Variants in CLDND1 observed in about 807,000 individuals in gnomAD.
The protein encoded by CLDND1 is claudin domain-containing protein 1.
CLDND1 carries 13 observed loss-of-function variants against 26.3 expected under a neutral mutation model. The ratio of observed to expected loss-of-function variants is 0.49; its 90% CI spans 0.32 to 0.78. CLDND1 has a LOEUF of 0.78. CLDND1 is among the 30% of genes least tolerant of loss of function. The pLI is 0.03. For missense variants in CLDND1, 289 were observed against 312.8 expected, an observed-to-expected ratio of 0.92 and a Z score of 0.57; for synonymous variants, 107 against 107.0, an observed-to-expected ratio of 1.00 and a Z score of 0.00.
chr3:98,515,806 T>C lies in CLDND1; in HGVS notation c.*853A>G, dbSNP rs1028945342. 1.2e-5 allele frequency: 15 copies of C among 1,289,646 alleles called. No homozygotes were observed. Among genetic ancestry groups the C allele is most frequent in the Middle Eastern group, 2.1e-4 (1 of 4,718 alleles). The allele number at this position is 1,289,646 out of a possible 1,614,324, so 79.9% of individuals were successfully genotyped here. On this transcript the variant is annotated 3_prime_UTR_variant, in exon 5 of 5. Coordinates refer to ENST00000341181, the MANE Select transcript of CLDND1 (RefSeq NM_001040181.2). Reference sequence around the variant, plus strand: ...GTTTCCCAGCTCTGGAGGGTCATTATGGTGAAACGTTCTTTATAGTACTGG... The same window carrying C: ...GTTTCCCAGCTCTGGAGGGTCATTACGGTGAAACGTTCTTTATAGTACTGG...
intron 1 of CLDND1, 188 bp from the exon 2 acceptor site, chr3:98,521,630 G>A (rs1365501078): frequency 6.9e-6 from 11 of 1,594,994 alleles, no homozygotes; most frequent in Non-Finnish European, 9.5e-6. Flanking sequence ...TCTCATAAAA[G>A]TACTTATTGA....
Position 98,521,250 on chromosome 3 carries a change from C to T in CLDND1, c.175G>A (p.Ala59Thr). The T allele has an allele frequency of 6.2e-7, 1 of 1,614,184 alleles. No individual in the cohort carries two copies. Among genetic ancestry groups the T allele is most frequent in the Non-Finnish European group, 8.5e-7 (1 of 1,180,020 alleles). ...GCATCATTATAAGTCTTTTCATCTG[C>T]CTCATCACTAATGAATTCATCCCAG... Reference protein sequence around the residue: ...SIWDEFISDEADEKTYNDALF... With the variant: ...SIWDEFISDETDEKTYNDALF... The change falls in exon 2 of 5, where the codon GCA becomes ACA. Residue 59 changes from alanine to threonine, a missense_variant. Transcript: ENST00000341181.
At position 98,516,491 on chromosome 3, in the gene CLDND1, A is replaced by G. The variant is rs908833445; in HGVS notation, c.*168T>C. 6.3e-5 allele frequency: 87 copies of G among 1,383,150 alleles called. No individual in the cohort carries two copies. The highest frequency in any genetic ancestry group is 7.9e-5 in the Non-Finnish European group (85 of 1,070,272). The allele number at this position is 1,383,150 out of a possible 1,614,324, so 85.7% of individuals were successfully genotyped here. A position where few individuals can be genotyped will look rare whatever the true frequency, so the allele number is the denominator to read the frequency against. On this transcript the variant is annotated 3_prime_UTR_variant, in exon 5 of 5. Coordinates refer to ENST00000341181, the MANE Select transcript of CLDND1 (RefSeq NM_001040181.2). Reference sequence around the variant, plus strand: ...GCTTAAAGTAAACCACATAAATTTTAGTGGTATTAAGTGTGTATTTAGTGG... The same window carrying G: ...GCTTAAAGTAAACCACATAAATTTTGGTGGTATTAAGTGTGTATTTAGTGG...
At chr3:98,521,736 A>G in intron 1 of CLDND1, 1 of 1,580,830 alleles carries the variant, frequency 6.3e-7, no homozygotes, top group South Asian at 1.1e-5. Context: ...GGACATACAC[A>G]TTACAGATAC....
chr3:98,522,858 T>C lies in CLDND1; in HGVS notation c.-28A>G. On this transcript the variant is annotated 5_prime_UTR_variant, in exon 1 of 5. Transcript: ENST00000341181. Reference sequence around the variant, plus strand: ...GGTCCCGCTCACTCACCGCCCATCCTCCTGCTCCGCCAGCTTCACCCTCTA... The same window carrying C: ...GGTCCCGCTCACTCACCGCCCATCCCCCTGCTCCGCCAGCTTCACCCTCTA... 2.5e-6 allele frequency: 4 copies of C among 1,613,660 alleles called. No homozygotes were observed. Among genetic ancestry groups the C allele is most frequent in the Non-Finnish European group, 3.4e-6 (4 of 1,179,712 alleles).
intron 2 of CLDND1, 39 bp downstream of exon 2, chr3:98,521,094 A>C (rs1194114455): frequency 6.4e-7 from 1 of 1,554,682 alleles, no homozygotes; most frequent in Non-Finnish European, 8.8e-7. Context: ...TCTATTATTA[A>C]CCAGGTGAAG....
rs1706141926 is a variant in CLDND1 at position 98,516,450 on chromosome 3, T to C, written c.*209A>G. On this transcript the variant is annotated 3_prime_UTR_variant, in exon 5 of 5. Coordinates refer to ENST00000341181, the MANE Select transcript of CLDND1 (RefSeq NM_001040181.2). ...TTCTGTCTAGACCTAGATTAGTTTATTTGAAAGATGGCATCGCTTAAAGTA... is the reference window on the plus strand; with the variant it reads ...TTCTGTCTAGACCTAGATTAGTTTACTTGAAAGATGGCATCGCTTAAAGTA... 2 of 1,348,034 alleles carry C rather than the reference T, an allele frequency of 1.5e-6. No homozygotes were observed. The highest frequency in any genetic ancestry group is 1.9e-6 in the Non-Finnish European group (2 of 1,054,408). The allele number at this position is 1,348,034 out of a possible 1,614,324, so 83.5% of individuals were successfully genotyped here. A position where few individuals can be genotyped will look rare whatever the true frequency, so the allele number is the denominator to read the frequency against.
chr3:98,519,780 T>C (rs1706322729), intron 2 of CLDND1, among the ~76,000 whole-genome samples: 1 of 152,204 alleles, frequency 6.6e-6, no homozygotes, highest in Non-Finnish European at 1.5e-5. Flanking sequence ...ATTTCAGGCA[T>C]GCTCCCGCCA....
Position 98,521,259 on chromosome 3 carries a change from T to G in CLDND1, c.166A>C (p.Ser56Arg). The G allele has an allele frequency of 6.2e-7, 1 of 1,614,218 alleles. No homozygotes were observed. The highest frequency in any genetic ancestry group is 2.2e-5 in the East Asian group (1 of 44,884). The change falls in exon 2 of 5, where the codon AGT becomes CGT. Residue 56 changes from serine to arginine, a missense_variant. By Grantham distance (110) the Ser-to-Arg change is moderately radical. Transcript: ENST00000341181. The part of the protein sequence containing the change: ...LNKSIWDEFI[S>R]DEADEKTYND... Reference sequence around the variant, plus strand: ...TAAGTCTTTTCATCTGCCTCATCACTAATGAATTCATCCCAGATGCTTTTA... The same window carrying G: ...TAAGTCTTTTCATCTGCCTCATCACGAATGAATTCATCCCAGATGCTTTTA...
chr3:98,517,283 T>C, intron 3 of CLDND1, 94 bp from the exon 4 acceptor site: 1 of 1,405,436 alleles, frequency 7.1e-7, no homozygotes, highest in Non-Finnish European at 9.6e-7. Flanking sequence ...TTAGATCTTT[T>C]CTCAAAAAGT....
rs1388457599 is a variant in CLDND1 at position 98,518,898 on chromosome 3, A to C, written c.390T>G (p.Asp130Glu). ...VDPGNHNSGI[D>E]LLRTYLWRCQ... ...CAAAGTACTCACAGGTCCTAAGGAGATCAATCCCGCTATTGTGGTTTCCGG... is the reference window on the plus strand; with the variant it reads ...CAAAGTACTCACAGGTCCTAAGGAGCTCAATCCCGCTATTGTGGTTTCCGG... The change falls in exon 3 of 5, where the codon GAT (aspartate) becomes GAG (glutamate). Residue 130 changes from aspartate (D) to glutamate (E), a missense_variant. Coordinates refer to ENST00000341181, the MANE Select transcript of CLDND1 (RefSeq NM_001040181.2). 1 of 1,603,390 alleles carries C rather than the reference A, an allele frequency of 6.2e-7. No homozygotes were observed. The highest frequency in any genetic ancestry group is 1.1e-5 in the South Asian group (1 of 90,800).
chr3:98,521,277 T>C lies in CLDND1; in HGVS notation c.148A>G (p.Ile50Val), dbSNP rs1402585619. 3 of 1,614,232 alleles carry C rather than the reference T, an allele frequency of 1.9e-6. No homozygotes were observed. Among genetic ancestry groups the C allele is most frequent in the East Asian group, 2.2e-5 (1 of 44,886 alleles). Reference sequence around the variant, plus strand: ...TCATCACTAATGAATTCATCCCAGATGCTTTTATTCAAATCACTGGAATTT... The same window carrying C: ...TCATCACTAATGAATTCATCCCAGACGCTTTTATTCAAATCACTGGAATTT... ...QENSSDLNKSIWDEFISDEAD... is the reference protein window; with the variant it reads ...QENSSDLNKSVWDEFISDEAD... Residue 50 changes from isoleucine (I) to valine (V), a missense_variant, in exon 2 of 5, where the codon ATC (isoleucine) becomes GTC (valine). Coordinates refer to ENST00000341181, the MANE Select transcript of CLDND1 (RefSeq NM_001040181.2).
intron 2 of CLDND1, among the ~76,000 whole-genome samples, chr3:98,519,649 C>T (rs1706316081): frequency 6.6e-6 from 1 of 152,222 alleles, no homozygotes; most frequent in Non-Finnish European, 1.5e-5. Context: ...AGTTCTCATT[C>T]TGCCTAGAGT....
rs1706119005 is a variant in CLDND1 at position 98,515,887 on chromosome 3, T to A, written c.*772A>T. 1.6e-6 allele frequency: 2 copies of A among 1,281,408 alleles called. No individual in the cohort carries two copies. Among genetic ancestry groups the A allele is most frequent in the Non-Finnish European group, 2.0e-6 (2 of 984,422 alleles). 79.4% of individuals were successfully genotyped at this position (1,281,408 alleles called of 1,614,324 possible). A position where few individuals can be genotyped will look rare whatever the true frequency, so the allele number is the denominator to read the frequency against. ...TTTACCTTGTAACTGTAATATAATG[T>A]AAAAAGAAAGCACACTTTTAATAAC... On this transcript the variant is annotated 3_prime_UTR_variant, in exon 5 of 5. Coordinates refer to ENST00000341181, the MANE Select transcript of CLDND1 (RefSeq NM_001040181.2).
chr3:98,520,425 G>A (rs112164618), intron 2 of CLDND1, among the ~76,000 whole-genome samples: 2,022 of 152,192 alleles, frequency 0.013, 36 homozygotes, highest in Middle Eastern at 0.062. Context: ...CCCCACTAAG[G>A]GGCCAACAGA....
chr3:98,517,842 A>C (rs1706214857), intron 3 of CLDND1, among the ~76,000 whole-genome samples: 1 of 152,214 alleles, frequency 6.6e-6, no homozygotes, highest in African/African-American at 2.4e-5. Flanking sequence ...ATAACACAGT[A>C]AGTGGTAGAG....
intron 3 of CLDND1, among the ~76,000 whole-genome samples, chr3:98,517,502 C>T (rs775503728): frequency 1.1e-4 from 16 of 152,040 alleles, no homozygotes; most frequent in Admixed American, 2.0e-4. Flanking sequence ...TCCATATCTG[C>T]AGGTTTCACA....
intron 1 of CLDND1, 68 bp from the exon 2 acceptor site, chr3:98,521,510 T>A: frequency 6.6e-7 from 1 of 1,516,054 alleles, no homozygotes; most frequent in Non-Finnish European, 9.1e-7. Flanking sequence ...TATTTTGAAT[T>A]ATTCCAAATG....
rs372235788 is a variant in CLDND1, at chr3:98,521,753, T to C, written c.-18-311A>G. On this transcript the variant is annotated intron_variant, in intron 1 of 4. Coordinates refer to ENST00000341181, the MANE Select transcript of CLDND1 (RefSeq NM_001040181.2). ...ACATACACATTACAGATACAAACAATAGACATGCCCATGGTCAGCAGTGTA... is the reference window on the plus strand; with the variant it reads ...ACATACACATTACAGATACAAACAACAGACATGCCCATGGTCAGCAGTGTA... 399 of 1,481,700 alleles carry C rather than the reference T, an allele frequency of 2.7e-4. 1 individual carries two copies. Among genetic ancestry groups the C allele is most frequent in the Non-Finnish European group, 3.4e-4 (364 of 1,060,470 alleles). 91.8% of individuals were successfully genotyped at this position (1,481,700 alleles called of 1,614,324 possible). A position where few individuals can be genotyped will look rare whatever the true frequency, so the allele number is the denominator to read the frequency against.
Sources: gnomAD v4.1 joint callset for allele counts (sites outside exome capture counted in the v4.1 genomes callset) on GRCh38, gnomAD v4.1.1 for gene constraint, MANE v1.5 for transcripts, NCBI Gene and HGNC (gene_info 2026-07-23, HGNC 2026-07-21) for gene names.